NDUFA9: variants seen among roughly 807,000 people sequenced by gnomAD.
NDUFA9 encodes the protein NADH:ubiquinone oxidoreductase subunit A9, also known as NADH dehydrogenase [ubiquinone] 1 alpha subcomplex subunit 9, mitochondrial.
Under a neutral mutation model 45.9 loss-of-function variants are expected in NDUFA9, and 23 were observed. The ratio of observed to expected loss-of-function variants is 0.50; its 90% CI spans 0.36 to 0.71. The LOEUF is 0.71. NDUFA9 is among the 30% of genes least tolerant of loss of function. The pLI, the probability that NDUFA9 is intolerant of heterozygous loss-of-function variation, is 0.00. For missense variants in NDUFA9, 466 were observed against 488.2 expected, an observed-to-expected ratio of 0.95 and a Z score of 0.43; for synonymous variants, 176 against 170.5, an observed-to-expected ratio of 1.03 and a Z score of -0.25.
chr12:4,685,061 G>A, intron 9 of NDUFA9, 198 bp from the exon 10 acceptor site: 1 of 692,402 alleles, frequency 1.4e-6, no homozygotes, highest in Non-Finnish European at 2.6e-6. Context: ...AGTTACAGCA[G>A]CCGACTGGGT....
intron 5 of NDUFA9, among the ~76,000 whole-genome samples, chr12:4,661,058 TA>T (rs1354005592): frequency 3.3e-5 from 5 of 151,792 alleles, no homozygotes; most frequent in Non-Finnish European, 7.4e-5. Flanking sequence ...GAGATGCTGG[TA>T]AAAAGAGTGA....
At position 4,691,051 on chromosome 12, in the gene NDUFA9, G is replaced by C. The variant is rs1418165201; in HGVS notation, c.*3943G>C. ...ACCTTGGAGGTGATGCAGAGCAGTT[G>C]AGTTCCATACAGATTTGGCTTCGAA... On this transcript the variant is annotated 3_prime_UTR_variant, in exon 11 of 11. Transcript: ENST00000266544. The C allele has an allele frequency of 6.6e-6, 1 of 152,202 alleles. No individual in the cohort carries two copies. Among genetic ancestry groups the C allele is most frequent in the Non-Finnish European group, 1.5e-5 (1 of 68,034 alleles). The allele number at this position is 152,202 out of a possible 1,614,324, so 9.4% of individuals were successfully genotyped here. A position where few individuals can be genotyped will look rare whatever the true frequency, so the allele number is the denominator to read the frequency against.
rs1946023785 is a variant in NDUFA9 at position 4,692,539 on chromosome 12, C to T, written c.*5431C>T. On this transcript the variant is annotated 3_prime_UTR_variant, in exon 11 of 11. Coordinates refer to ENST00000266544, the MANE Select transcript of NDUFA9 (RefSeq NM_005002.5). ...ACTCAGATATTTCTTTATAGCAATA[C>T]AAGAATGGCCTAATCGTGTTAGGAA... 1 of 152,180 alleles carries T rather than the reference C, an allele frequency of 6.6e-6. No individual in the cohort carries two copies. 9.4% of individuals were successfully genotyped at this position (152,180 alleles called of 1,614,324 possible). A position where few individuals can be genotyped will look rare whatever the true frequency, so the allele number is the denominator to read the frequency against.
At chr12:4,667,330 C>T (rs980842870) in intron 6 of NDUFA9, among the ~76,000 whole-genome samples, 1 of 152,130 alleles carries the variant, frequency 6.6e-6, no homozygotes, top group Non-Finnish European at 1.5e-5. Flanking sequence ...TAAACCATAG[C>T]AACATCCTAA....
At chr12:4,680,738 A>T (rs1945947574) in intron 8 of NDUFA9, among the ~76,000 whole-genome samples, 1 of 152,146 alleles carries the variant, frequency 6.6e-6, no homozygotes. Context: ...TGATAGTTTC[A>T]TGTTTTTTAG....
intron 10 of NDUFA9, among the ~76,000 whole-genome samples, chr12:4,685,816 C>T (rs1945982801): frequency 6.6e-6 from 1 of 152,188 alleles, no homozygotes; most frequent in Non-Finnish European, 1.5e-5. Context: ...ATCCAATGGT[C>T]AGTTCTCAGA....
intron 7 of NDUFA9, among the ~76,000 whole-genome samples, chr12:4,668,969 T>C (rs1240124392): frequency 1.3e-5 from 2 of 152,196 alleles, no homozygotes; most frequent in Admixed American, 1.3e-4. Context: ...ACCTTAAAGA[T>C]GACTAAAGGT....
At chr12:4,669,673 T>C in intron 7 of NDUFA9, 68 bp from the exon 8 acceptor site, 1 of 1,008,112 alleles carries the variant, frequency 9.9e-7, no homozygotes, top group Non-Finnish European at 1.5e-6. Context: ...CCTTTCTTTC[T>C]ATCTCTCCAT....
Position 4,687,822 on chromosome 12 carries a change from G to A in NDUFA9, c.*714G>A, listed in dbSNP as rs185707544. 4 of 152,334 alleles carry A rather than the reference G, an allele frequency of 2.6e-5. No individual in the cohort carries two copies. Among genetic ancestry groups the A allele is most frequent in the African/African-American group, 9.6e-5 (4 of 41,570 alleles). The allele number at this position is 152,334 out of a possible 1,614,324, so 9.4% of individuals were successfully genotyped here. A position where few individuals can be genotyped will look rare whatever the true frequency, so the allele number is the denominator to read the frequency against. ...ATGAAGTTCTTAAAATTGCAGCCAA[G>A]ACCCAGATGAACATTTGGTTTAGTG... On this transcript the variant is annotated 3_prime_UTR_variant, in exon 11 of 11. Coordinates refer to ENST00000266544, the MANE Select transcript of NDUFA9 (RefSeq NM_005002.5).
At position 4,652,030 on chromosome 12, in the gene NDUFA9, C is replaced by T. The variant is rs555279192; in HGVS notation, c.50-2262C>T. Among the ~76,000 whole-genome samples the T allele has an allele frequency of 3.3e-5, 5 of 152,244 alleles. No individual in the cohort carries two copies. In the South Asian group the frequency reaches 1.0e-3, roughly 32 times the overall value. ...CTTAACATAGCGAGTTTCCTAAAACCTCTAACATGTGCTTTTGTCTCATTC... is the reference window on the plus strand; with the variant it reads ...CTTAACATAGCGAGTTTCCTAAAACTTCTAACATGTGCTTTTGTCTCATTC... On this transcript the variant is annotated intron_variant, in intron 1 of 10. Coordinates refer to ENST00000266544, the MANE Select transcript of NDUFA9 (RefSeq NM_005002.5).
chr12:4,690,376 A>G lies in NDUFA9; in HGVS notation c.*3268A>G, dbSNP rs1591552884. On this transcript the variant is annotated 3_prime_UTR_variant, in exon 11 of 11. Coordinates refer to ENST00000266544, the MANE Select transcript of NDUFA9 (RefSeq NM_005002.5). ...ATTTCCCACAGCTTTGCTAGGCCTTAAGATCATCTCACATTCTTCATCCTA... is the reference window on the plus strand; with the variant it reads ...ATTTCCCACAGCTTTGCTAGGCCTTGAGATCATCTCACATTCTTCATCCTA... The G allele has an allele frequency of 6.6e-6, 1 of 152,320 alleles. No individual in the cohort carries two copies. The highest frequency in any genetic ancestry group is 1.5e-5 in the Non-Finnish European group (1 of 68,020). The allele number at this position is 152,320 out of a possible 1,614,324, so 9.4% of individuals were successfully genotyped here. A position where few individuals can be genotyped will look rare whatever the true frequency, so the allele number is the denominator to read the frequency against.
At chr12:4,685,816 CA>C (rs1945982828) in intron 10 of NDUFA9, among the ~76,000 whole-genome samples, 1 of 152,188 alleles carries the variant, frequency 6.6e-6, no homozygotes, top group African/African-American at 2.4e-5. Flanking sequence ...ATCCAATGGT[CA>C]GTTCTCAGAC....
At position 4,675,175 on chromosome 12, in the gene NDUFA9, A is replaced by C. The variant is rs187945746; in HGVS notation, c.800+5358A>C. Among the ~76,000 whole-genome samples the C allele has an allele frequency of 2.6e-5, 4 of 152,352 alleles. No homozygotes were observed. The East Asian group carries it at 7.7e-4, about 29-fold the overall frequency. On this transcript the variant is annotated intron_variant, in intron 8 of 10. Coordinates refer to ENST00000266544, the MANE Select transcript of NDUFA9 (RefSeq NM_005002.5). ...GGAGCACATTTAAAACAGTGTGTAGAGGGAAATTTATAGCACTAAATGCCC... is the reference window on the plus strand; with the variant it reads ...GGAGCACATTTAAAACAGTGTGTAGCGGGAAATTTATAGCACTAAATGCCC...
intron 8 of NDUFA9, among the ~76,000 whole-genome samples, chr12:4,673,212 AG>A (rs770860382): frequency 2.0e-5 from 3 of 152,354 alleles, no homozygotes. Context: ...CCCCAGCCGA[AG>A]GTCACTGACT....
intron 1 of NDUFA9, among the ~76,000 whole-genome samples, chr12:4,651,850 G>A (rs1161417172): frequency 6.6e-6 from 1 of 152,086 alleles, no homozygotes; most frequent in Non-Finnish European, 1.5e-5. Context: ...AACTTTCCAC[G>A]TAATTTGCTG....
Position 4,654,632 on chromosome 12 carries a change from A to G in NDUFA9, c.220+170A>G, listed in dbSNP as rs192359316. Among the ~76,000 whole-genome samples the G allele has an allele frequency of 1.9e-3, 294 of 152,310 alleles. 4 individuals are homozygous for G. Among genetic ancestry groups the G allele is most frequent in the Admixed American group, 9.5e-3 (145 of 15,306 alleles). On this transcript the variant is annotated intron_variant, in intron 2 of 10. Transcript: ENST00000266544. ...ATGAAGAGCACACTCATGCTCCTAT[A>G]TAGGAATTATTAGGATAGGAATAAG...
rs1262086539 is a variant in NDUFA9, at chr12:4,686,941, C to T, written c.967C>T (p.His323Tyr). 1 of 1,613,596 alleles carries T rather than the reference C, an allele frequency of 6.2e-7. No homozygotes were observed. Among genetic ancestry groups the T allele is most frequent in the Admixed American group, 1.7e-5 (1 of 59,992 alleles). The change falls in exon 11 of 11, where the codon CAC becomes TAC. Residue 323 changes from histidine (H) to tyrosine (Y), a missense_variant. Transcript: ENST00000266544. ...GTGGTCCTTTGTTTATCCAAAGATG[C>T]ACATCACAGACATGAAATTGCCTCA... ...WITRDKVERM[H>Y]ITDMKLPHLP... is the part of the protein sequence containing the mutation.
chr12:4,690,086 C>T lies in NDUFA9; in HGVS notation c.*2978C>T, dbSNP rs752476402. The T allele has an allele frequency of 6.6e-6, 1 of 152,298 alleles. No homozygotes were observed. Among genetic ancestry groups the T allele is most frequent in the Non-Finnish European group, 1.5e-5 (1 of 68,110 alleles). The allele number at this position is 152,298 out of a possible 1,614,324, so 9.4% of individuals were successfully genotyped here. A position where few individuals can be genotyped will look rare whatever the true frequency, so the allele number is the denominator to read the frequency against. On this transcript the variant is annotated 3_prime_UTR_variant, in exon 11 of 11. Coordinates refer to ENST00000266544, the MANE Select transcript of NDUFA9 (RefSeq NM_005002.5). ...GGACACTCATATCCAGGGTGATTCT[C>T]TTCATAAGGAGGCATGGGCTGAGTC...
chr12:4,684,131 A>G (rs1336782914), intron 9 of NDUFA9, among the ~76,000 whole-genome samples: 1 of 152,200 alleles, frequency 6.6e-6, no homozygotes, highest in Non-Finnish European at 1.5e-5. Context: ...ACAGAGAGTT[A>G]GAGGTTTGTA....
Sources: allele counts gnomAD v4.1 joint callset (sites outside exome capture counted in the v4.1 genomes callset), GRCh38; gene constraint gnomAD v4.1.1; transcripts MANE v1.5; gene names NCBI Gene and HGNC (gene_info 2026-07-23, HGNC 2026-07-21).